Variants in SATB2 observed in about 807,000 individuals in gnomAD.
The protein encoded by SATB2 is DNA-binding protein SATB2.
Under a neutral mutation model 73.4 loss-of-function variants are expected in SATB2, and 1 was observed. The observed-to-expected ratio is 0.01, with a 90% CI of 0.00 to 0.06. The LOEUF is 0.06. Among genes scored for constraint, SATB2 ranks in the 10% least tolerant of loss-of-function variants. The pLI is 1.00. For missense variants in SATB2, 459 were observed against 945.8 expected (o/e 0.49, Z 6.75); for synonymous variants, 397 against 367.0 (o/e 1.08, Z -0.93).
chr2:199,320,929 GCATATTTGAACTCGGCCTT>G (rs531747784), intron 9 of SATB2, among the ~76,000 whole-genome samples: 168 of 152,220 alleles, frequency 1.1e-3, no homozygotes, highest in African/African-American at 4.0e-3. Flanking sequence ...AGGTTGCTAT[GCATATTTGAACTCGGCCTT>G]CAGGGATTCA....
chr2:199,458,887 G>A (rs1692389981), upstream of SATB2: 2 of 305,072 alleles, frequency 6.6e-6, no homozygotes, highest in African/African-American at 2.4e-5. Context: ...GCGCAGGGAA[G>A]GCCGCTTCTC....
At chr2:199,452,025 T>C (rs1247069979) in intron 2 of SATB2, among the ~76,000 whole-genome samples, 1 of 152,050 alleles carries the variant, frequency 6.6e-6, no homozygotes, top group African/African-American at 2.4e-5. Context: ...AATAAGCAAG[T>C]TTTTTTAATA....
intron 3 of SATB2, among the ~76,000 whole-genome samples, chr2:199,423,271 G>A (rs1475157500): frequency 6.6e-6 from 1 of 151,946 alleles, no homozygotes; most frequent in Admixed American, 6.6e-5. Flanking sequence ...TTATGTATTT[G>A]GTTCTTTGCT....
At chr2:199,459,353 C>A (rs894089656), upstream of SATB2, among the ~76,000 whole-genome samples, 1 of 152,106 alleles carries the variant, frequency 6.6e-6, no homozygotes, top group Non-Finnish European at 1.5e-5. The surrounding 1 kb of genome is among the most constrained non-coding windows in gnomAD (Gnocchi z 4.2). Flanking sequence ...CCGACTCCGG[C>A]CGCGGTGCTC....
intron 9 of SATB2, among the ~76,000 whole-genome samples, chr2:199,309,263 A>G (rs1687526957): frequency 6.6e-6 from 1 of 152,204 alleles, no homozygotes; most frequent in African/African-American, 2.4e-5. Flanking sequence ...AGAAAAAGTA[A>G]TTTGTGTCAG....
chr2:199,276,284 A>G (rs1357051564), intron 10 of SATB2, among the ~76,000 whole-genome samples: 2 of 152,194 alleles, frequency 1.3e-5, no homozygotes, highest in Non-Finnish European at 2.9e-5. Context: ...TTGACTAAAT[A>G]ATGTCAACTC....
At chr2:199,441,303 A>T (rs1303597771) in intron 2 of SATB2, among the ~76,000 whole-genome samples, 1 of 152,200 alleles carries the variant, frequency 6.6e-6, no homozygotes, top group African/African-American at 2.4e-5. Context: ...GAGTTAAGAA[A>T]TATTGAATAA....
chr2:199,461,873 C>A (rs1477448543), upstream of SATB2, among the ~76,000 whole-genome samples: 1 of 152,198 alleles, frequency 6.6e-6, no homozygotes, highest in Admixed American at 6.5e-5. Flanking sequence ...AATGACGTTT[C>A]TTGATTTCTC....
rs1688161878 is a variant in SATB2 at position 199,330,597 on chromosome 2, TGA to T, written c.1174-1689_1174-1688del. On this transcript the variant is annotated intron_variant, in intron 7 of 10. Coordinates refer to ENST00000417098, the MANE Select transcript of SATB2 (RefSeq NM_001172509.2). ...TTGTCATGCTTTTAGAAGCAACGAG[TGA>T]GACACTTATCTTCCAGAAAATGTGA... Among the ~76,000 whole-genome samples the T allele has an allele frequency of 2.0e-5, 3 of 152,258 alleles. No individual in the cohort carries two copies. The South Asian group carries it at 6.2e-4, about 32-fold the overall frequency.
At chr2:199,369,383 T>C (rs1339977712) in intron 5 of SATB2, among the ~76,000 whole-genome samples, 2 of 152,114 alleles carry the variant, frequency 1.3e-5, no homozygotes, top group Non-Finnish European at 2.9e-5. Flanking sequence ...TGTGTATTAA[T>C]CATTGGGGTT....
chr2:199,458,330 G>T, upstream of SATB2: 1 of 250,698 alleles, frequency 4.0e-6, no homozygotes, highest in Non-Finnish European at 8.0e-6. Flanking sequence ...GGAGGCAGAG[G>T]GACAGGCGAG....
intron 2 of SATB2, among the ~76,000 whole-genome samples, chr2:199,433,940 TTTCTCTTTAA>T (rs1691579661): frequency 1.3e-5 from 2 of 151,998 alleles, no homozygotes; most frequent in Non-Finnish European, 2.9e-5. Context: ...AAGTAATATA[TTTCTCTTTAA>T]ATATATTACT....
intron 6 of SATB2, among the ~76,000 whole-genome samples, chr2:199,354,314 C>T (rs955398329): frequency 6.6e-6 from 1 of 152,138 alleles, no homozygotes; most frequent in African/African-American, 2.4e-5. Context: ...CGAGATTGTG[C>T]CACTGCACTC....
At chr2:199,320,016 C>T (rs1687842058) in intron 9 of SATB2, among the ~76,000 whole-genome samples, 2 of 152,038 alleles carry the variant, frequency 1.3e-5, no homozygotes, top group South Asian at 2.1e-4. Context: ...ACCCAGATCA[C>T]GGGTGATTGG....
intron 3 of SATB2, among the ~76,000 whole-genome samples, chr2:199,406,223 T>C (rs1690625040): frequency 6.6e-6 from 1 of 152,176 alleles, no homozygotes; most frequent in Non-Finnish European, 1.5e-5. Flanking sequence ...GATGATTCTA[T>C]TATTATTATT....
intron 10 of SATB2, among the ~76,000 whole-genome samples, chr2:199,290,263 CT>C (rs1692816719): frequency 6.6e-6 from 1 of 152,226 alleles, no homozygotes; most frequent in Non-Finnish European, 1.5e-5. Context: ...CCCTTTTGTG[CT>C]TTTCTTTCTC....
chr2:199,307,518 C>T (rs1687469935), intron 10 of SATB2, among the ~76,000 whole-genome samples: 1 of 152,082 alleles, frequency 6.6e-6, no homozygotes, highest in South Asian at 2.1e-4. Context: ...TCACCCCCAT[C>T]CCCAACTCTG....
At chr2:199,311,994 AT>A (rs1687610904) in intron 9 of SATB2, among the ~76,000 whole-genome samples, 1 of 151,490 alleles carries the variant, frequency 6.6e-6, no homozygotes, top group African/African-American at 2.4e-5. Flanking sequence ...ATTTTTTTTC[AT>A]TTATATAATC....
At chr2:199,383,249 A>C (rs1191877465) in intron 3 of SATB2, among the ~76,000 whole-genome samples, 1 of 152,128 alleles carries the variant, frequency 6.6e-6, no homozygotes, top group Non-Finnish European at 1.5e-5. Flanking sequence ...GTCATATTTC[A>C]CTTGCCAAGA....
Sources: allele counts gnomAD v4.1 joint callset (sites outside exome capture counted in the v4.1 genomes callset), GRCh38; gene constraint gnomAD v4.1.1; non-coding constraint Gnocchi (gnomAD v3.1); transcripts MANE v1.5; gene names NCBI Gene and HGNC (gene_info 2026-07-23, HGNC 2026-07-21).